HOOK3: variants seen among roughly 807,000 people sequenced by gnomAD.
HOOK3 encodes hook microtubule tethering protein 3.
In HOOK3, 24 loss-of-function variants were observed where a neutral mutation model predicts 116.3. The observed-to-expected ratio is 0.21, with a 90% confidence interval of 0.15 to 0.29. The LOEUF (loss-of-function observed/expected upper bound fraction) is 0.29. Among genes scored for constraint, HOOK3 ranks in the 10% least tolerant of loss-of-function variants. The probability of loss-of-function intolerance (pLI) is 1.00; values close to 1 mark genes in which losing one functional copy is unlikely to be tolerated. For synonymous variants in HOOK3, 275 were observed against 283.0 expected, an observed-to-expected ratio of 0.97 and a Z score of 0.28; for missense variants, 632 against 830.2, an observed-to-expected ratio of 0.76 and a Z score of 2.93.
intron 6 of HOOK3, among the ~76,000 whole-genome samples, chr8:42,955,508 C>T (rs1483945078): frequency 6.6e-6 from 1 of 152,106 alleles, no homozygotes; most frequent in Non-Finnish European, 1.5e-5. Flanking sequence ...CATAGAAAGA[C>T]ATGAAATCTA....
At chr8:42,904,625 T>A (rs1807266778) in intron 1 of HOOK3, among the ~76,000 whole-genome samples, 1 of 152,152 alleles carries the variant, frequency 6.6e-6, no homozygotes, top group Non-Finnish European at 1.5e-5. Flanking sequence ...CTTATATTAA[T>A]ACAATGCAAA....
intron 9 of HOOK3, 43 bp downstream of exon 9, chr8:42,964,517 A>T (rs752701268): frequency 6.3e-7 from 1 of 1,583,678 alleles, no homozygotes; most frequent in Admixed American, 1.7e-5. Context: ...AAAATTTGTT[A>T]GCTGTCATTT....
chr8:42,991,538 G>T (rs945039061), intron 15 of HOOK3, among the ~76,000 whole-genome samples: 2 of 151,954 alleles, frequency 1.3e-5, no homozygotes, highest in African/African-American at 2.4e-5. Flanking sequence ...GAGTAGCTGG[G>T]ACTACAGGCA....
intron 2 of HOOK3, among the ~76,000 whole-genome samples, chr8:42,906,822 T>A (rs1226210390): frequency 1.3e-5 from 2 of 152,184 alleles, no homozygotes; most frequent in Non-Finnish European, 2.9e-5. Flanking sequence ...CACTGTTGTA[T>A]CCAAGCAACA....
At chr8:42,966,947 C>G (rs945502257) in intron 10 of HOOK3, among the ~76,000 whole-genome samples, 1 of 152,074 alleles carries the variant, frequency 6.6e-6, no homozygotes, top group Non-Finnish European at 1.5e-5. Flanking sequence ...CCGCCACGCC[C>G]GCAAGGCCTC....
chr8:42,931,484 T>A (rs1177976875), intron 4 of HOOK3, among the ~76,000 whole-genome samples: 1 of 145,120 alleles, frequency 6.9e-6, no homozygotes, highest in South Asian at 2.2e-4. Flanking sequence ...CAGTGTGGAG[T>A]GCAGTGGCGC....
chr8:43,015,416 C>A (rs892368018), intron 21 of HOOK3, among the ~76,000 whole-genome samples: 1 of 151,728 alleles, frequency 6.6e-6, no homozygotes, highest in Non-Finnish European at 1.5e-5. Flanking sequence ...CCAGGTACTC[C>A]GGAGGCTGAA....
intron 5 of HOOK3, chr8:42,949,459 CA>C (rs1199443075): frequency 6.6e-6 from 1 of 152,138 alleles, no homozygotes; most frequent in African/African-American, 2.4e-5. Context: ...TAACTGTGAA[CA>C]GTCAATTGTG....
intron 16 of HOOK3, among the ~76,000 whole-genome samples, chr8:42,999,724 G>A (rs1809344138): frequency 6.6e-6 from 1 of 152,062 alleles, no homozygotes; most frequent in Non-Finnish European, 1.5e-5. Flanking sequence ...TTTTTAGCAT[G>A]GAAGCAGAAA....
In HOOK3 at chr8:42,897,083, CGGCGGTGTCTGGCCAGGCGGTA is replaced by C; in HGVS notation, c.-44_-23del. 1 of 1,227,158 alleles carries C rather than the reference CGGCGGTGTCTGGCCAGGCGGTA, an allele frequency of 8.1e-7. No homozygotes were observed. The highest frequency in any genetic ancestry group is 1.0e-6 in the Non-Finnish European group (1 of 977,062). 76.0% of individuals were successfully genotyped at this position (1,227,158 alleles called of 1,614,324 possible). A position where few individuals can be genotyped will look rare whatever the true frequency, so the allele number is the denominator to read the frequency against. ...GCCCCCGGATCCCCCGACAGAGCGG[CGGCGGTGTCTGGCCAGGCGGTA>C]GGCGCTGCCTGGCCGCGGCGGGGAA... On this transcript the variant is annotated 5_prime_UTR_variant, in exon 1 of 22. Transcript: ENST00000307602.
At chr8:43,002,170 C>T in intron 17 of HOOK3, 29 bp downstream of exon 17, 1 of 1,554,514 alleles carries the variant, frequency 6.4e-7, no homozygotes, top group Non-Finnish European at 8.9e-7. Flanking sequence ...GAGGCTGATT[C>T]TTCTATAGTG....
In HOOK3 at chr8:42,939,653, GCTGCCGGGCAGAGACGCTC is replaced by G. The variant is rs1471762968; in HGVS notation, c.268-3657_268-3639del. ...CCCCACCTCCCTCCCGGACGGGGTG[GCTGCCGGGCAGAGACGCTC>G]CTCACTCCCCAGACTGGGTGGCTGC... On this transcript the variant is annotated intron_variant, in intron 4 of 21. Coordinates refer to ENST00000307602, the MANE Select transcript of HOOK3 (RefSeq NM_032410.4). Among the ~76,000 whole-genome samples, 279 of 151,784 alleles carry G rather than the reference GCTGCCGGGCAGAGACGCTC, an allele frequency of 1.8e-3. 1 individual carries two copies. The highest frequency in any genetic ancestry group is 6.2e-3 in the African/African-American group (257 of 41,370).
At chr8:42,986,622 A>G (rs369254278) in intron 14 of HOOK3, 33 bp from the exon 15 acceptor site, 13 of 1,561,516 alleles carry the variant, frequency 8.3e-6, no homozygotes, top group Non-Finnish European at 1.1e-5. Flanking sequence ...ATGACTGTGT[A>G]TATAATATTT....
intron 12 of HOOK3, 47 bp from the exon 13 acceptor site, chr8:42,974,060 A>AT: frequency 7.3e-7 from 1 of 1,372,902 alleles, no homozygotes; most frequent in South Asian, 1.2e-5. Flanking sequence ...TGATGAATAA[A>AT]TTCTTAAAAC....
chr8:43,011,611 C>T (rs1586634257), intron 19 of HOOK3, among the ~76,000 whole-genome samples: 1 of 152,062 alleles, frequency 6.6e-6, no homozygotes, highest in South Asian at 2.1e-4. Context: ...CAGTGGCTCA[C>T]GCCTGTAATC....
intron 5 of HOOK3, among the ~76,000 whole-genome samples, chr8:42,948,646 G>A (rs996883463): frequency 2.6e-5 from 4 of 152,102 alleles, no homozygotes; most frequent in Non-Finnish European, 1.5e-5. Context: ...TACTTTTAGA[G>A]CTGTTTAGTC....
Position 43,023,764 on chromosome 8 carries a change from A to G in HOOK3, c.*5266A>G, listed in dbSNP as rs139294234. The G allele has an allele frequency of 5.7e-5, 11 of 194,342 alleles. No individual in the cohort carries two copies. In the East Asian group the frequency reaches 8.8e-4, roughly 16 times the overall value. 12.0% of individuals were successfully genotyped at this position (194,342 alleles called of 1,614,324 possible). A position where few individuals can be genotyped will look rare whatever the true frequency, so the allele number is the denominator to read the frequency against. On this transcript the variant is annotated 3_prime_UTR_variant, in exon 22 of 22. Coordinates refer to ENST00000307602, the MANE Select transcript of HOOK3 (RefSeq NM_032410.4). ...GCGTGTGTTACTGCCCCAGCCTCCTATTTCCTTTTCGAAAGTAGCAGTTTG... is the reference window on the plus strand; with the variant it reads ...GCGTGTGTTACTGCCCCAGCCTCCTGTTTCCTTTTCGAAAGTAGCAGTTTG...
intron 1 of HOOK3, among the ~76,000 whole-genome samples, chr8:42,903,175 A>C (rs184268982): frequency 1.3e-5 from 2 of 152,242 alleles, no homozygotes; most frequent in East Asian, 3.9e-4. Flanking sequence ...GGCAGCTTGG[A>C]AGGATCCTCT....
At position 43,021,359 on chromosome 8, in the gene HOOK3, C is replaced by T. The variant is rs928875561; in HGVS notation, c.*2861C>T. The T allele has an allele frequency of 5.0e-4, 91 of 180,462 alleles. No homozygotes were observed. Among genetic ancestry groups the T allele is most frequent in the Non-Finnish European group, 8.4e-4 (71 of 84,762 alleles). The allele number at this position is 180,462 out of a possible 1,614,324, so 11.2% of individuals were successfully genotyped here. The stretch of plus-strand genomic sequence containing the variant: ...CGTTCCGTCACCCAGGCTGTAGTGC[C>T]GTGGCATGATCTCGGCTCACTGCAG... On this transcript the variant is annotated 3_prime_UTR_variant, in exon 22 of 22. Coordinates refer to ENST00000307602, the MANE Select transcript of HOOK3 (RefSeq NM_032410.4).
Sources: gnomAD v4.1 joint callset for allele counts (sites outside exome capture counted in the v4.1 genomes callset) on GRCh38, gnomAD v4.1.1 for gene constraint, MANE v1.5 for transcripts, NCBI Gene and HGNC (gene_info 2026-07-23, HGNC 2026-07-21) for gene names.